The following SAT2 variants were observed in gnomAD, a reference collection of about 807,000 sequenced individuals.
SAT2 encodes spermidine/spermine N1-acetyltransferase family member 2, also known as thialysine N-epsilon-acetyltransferase.
Under a neutral mutation model 24.8 loss-of-function variants are expected in SAT2, and 19 were observed. The observed-to-expected ratio is 0.77, with a 90% CI of 0.53 to 1.12. SAT2 has a LOEUF of 1.12. Among genes scored for constraint, SAT2 ranks in the 50% most tolerant of loss-of-function variants. The probability of loss-of-function intolerance (pLI) is 0.00; values close to 1 mark genes in which losing one functional copy is unlikely to be tolerated. For missense variants in SAT2, 190 were observed against 210.7 expected (o/e 0.90, Z 0.61); for synonymous variants, 77 against 77.4 (o/e 0.99, Z 0.03).
rs2072252291 is a variant in SAT2 at position 7,627,497 on chromosome 17, C to T, written c.66+73G>A. On this transcript the variant is annotated intron_variant, in intron 1 of 5. Coordinates refer to ENST00000269298, the MANE Select transcript of SAT2 (RefSeq NM_133491.5). The surrounding 1 kb of genome is among the most constrained non-coding windows in gnomAD (Gnocchi z 4.8). ...AGGTTCCCAAGGCGAGCCCCTCCCCCTGCCCCCGCCTCCTACGACCCCGCT... is the reference window on the plus strand; with the variant it reads ...AGGTTCCCAAGGCGAGCCCCTCCCCTTGCCCCCGCCTCCTACGACCCCGCT... The T allele has an allele frequency of 6.3e-7, 1 of 1,594,352 alleles. No homozygotes were observed. The highest frequency in any genetic ancestry group is 1.3e-5 in the African/African-American group (1 of 74,574).
Position 7,627,518 on chromosome 17 carries a change from C to G in SAT2, c.66+52G>C. ...CCCCCTGCCCCCGCCTCCTACGACCCCGCTCTGGCCGCGCCACTCTGACCC... is the reference window on the plus strand; with the variant it reads ...CCCCCTGCCCCCGCCTCCTACGACCGCGCTCTGGCCGCGCCACTCTGACCC... On this transcript the variant is annotated intron_variant, in intron 1 of 5. Transcript: ENST00000269298. This position sits in a 1 kb window ranked among gnomAD's most constrained non-coding sequence, Gnocchi z 4.8. 2 of 1,601,646 alleles carry G rather than the reference C, an allele frequency of 1.2e-6. No homozygotes were observed. Among genetic ancestry groups the G allele is most frequent in the South Asian group, 1.1e-5 (1 of 90,572 alleles).
At position 7,627,452 on chromosome 17, in the gene SAT2, G is replaced by C. The variant is rs2072250266; in HGVS notation, c.67-38C>G. On this transcript the variant is annotated intron_variant, in intron 1 of 5. Transcript: ENST00000269298. The surrounding 1 kb of genome is among the most constrained non-coding windows in gnomAD (Gnocchi z 4.8). Reference sequence around the variant, plus strand: ...TACGGAAGCTAGATTAGAGCAGAAGGGCCCCGCTGCTCCCCGAGCAGGTTC... The same window carrying C: ...TACGGAAGCTAGATTAGAGCAGAAGCGCCCCGCTGCTCCCCGAGCAGGTTC... 1 of 1,612,640 alleles carries C rather than the reference G, an allele frequency of 6.2e-7. No homozygotes were observed. The highest frequency in any genetic ancestry group is 1.3e-5 in the African/African-American group (1 of 74,854).
chr17:7,627,646 G>A lies in SAT2; in HGVS notation c.-11C>T. The A allele has an allele frequency of 1.2e-6, 2 of 1,613,918 alleles. No individual in the cohort carries two copies. Among genetic ancestry groups the A allele is most frequent in the South Asian group, 2.2e-5 (2 of 91,060 alleles). On this transcript the variant is annotated 5_prime_UTR_variant, in exon 1 of 6. Transcript: ENST00000269298. The surrounding 1 kb of genome is among the most constrained non-coding windows in gnomAD (Gnocchi z 4.8). Reference sequence around the variant, plus strand: ...CCGCACGGAAGCCATCCGGATCCCCGCTGTCTGGGACCAAAGTCCCAGGGC... The same window carrying A: ...CCGCACGGAAGCCATCCGGATCCCCACTGTCTGGGACCAAAGTCCCAGGGC...
chr17:7,626,746 T>TCA lies in SAT2; in HGVS notation c.345+6_345+7insTG, dbSNP rs765254763. Reference sequence around the variant, plus strand: ...GTCCTCACTTGTCGCCCCACCCATCTCCTCACCTCAGCCACCTTTTTGATT... The same window carrying TCA: ...GTCCTCACTTGTCGCCCCACCCATCTCACCTCACCTCAGCCACCTTTTTGATT... On this transcript the variant is annotated splice_region_variant and intron_variant, in intron 5 of 5. Coordinates refer to ENST00000269298, the MANE Select transcript of SAT2 (RefSeq NM_133491.5). The TCA allele has an allele frequency of 3.1e-6, 5 of 1,614,134 alleles. No homozygotes were observed. In the African/African-American group the frequency reaches 5.3e-5, roughly 17 times the overall value.
Position 7,627,146 on chromosome 17 carries a change from G to A in SAT2, c.199C>T (p.Leu67=). 6.2e-7 allele frequency: 1 copy of A among 1,614,104 alleles called. No homozygotes were observed. Residue 67 remains leucine (L), a synonymous_variant, in exon 3 of 6, where the codon CTG becomes TTG. Transcript: ENST00000269298. The surrounding 1 kb of genome is among the most constrained non-coding windows in gnomAD (Gnocchi z 4.8). ...TCTAAGGGCCAGGTGCTCTTACCCA[G>A]TAGCTTCCCGGGCGCTGGAAGAATC... ...AEILPAPGKL[L]GPCVVGYGIY...
chr17:7,627,787 T>C lies in SAT2; in HGVS notation c.-152A>G. 1 of 849,352 alleles carries C rather than the reference T, an allele frequency of 1.2e-6. No homozygotes were observed. The highest frequency in any genetic ancestry group is 2.0e-6 in the Non-Finnish European group (1 of 510,716). The allele number at this position is 849,352 out of a possible 1,614,324, so 52.6% of individuals were successfully genotyped here. A position where few individuals can be genotyped will look rare whatever the true frequency, so the allele number is the denominator to read the frequency against. On this transcript the variant is annotated 5_prime_UTR_variant, in exon 1 of 6. Coordinates refer to ENST00000269298, the MANE Select transcript of SAT2 (RefSeq NM_133491.5). The surrounding 1 kb of genome is among the most constrained non-coding windows in gnomAD (Gnocchi z 4.8). ...GGCGGGGTAGCCGCGGCCTGGTAAG[T>C]GGAGCTGGGATTCCGGCGCCGTACG...
chr17:7,626,971 C>A lies in SAT2; in HGVS notation c.276G>T (p.Glu92Asp). The A allele has an allele frequency of 6.2e-7, 1 of 1,614,002 alleles. No individual in the cohort carries two copies. The highest frequency in any genetic ancestry group is 1.1e-5 in the South Asian group (1 of 91,072). ...STWKGRTIYL[E>D]DIYVMPEYRG... Reference sequence around the variant, plus strand: ...GATATTCCGGCATCACATAGATATCCTCCAGATAAATGGTGCGTCCCTTCC... The same window carrying A: ...GATATTCCGGCATCACATAGATATCATCCAGATAAATGGTGCGTCCCTTCC... The change falls in exon 4 of 6, where the codon GAG becomes GAT. Residue 92 changes from glutamate to aspartate, a missense_variant. By Grantham distance (45) the Glu-to-Asp change is conservative (BLOSUM62 2). Coordinates refer to ENST00000269298, the MANE Select transcript of SAT2 (RefSeq NM_133491.5).
chr17:7,627,164 G>C lies in SAT2; in HGVS notation c.181C>G (p.Pro61Ala). Residue 61 changes from proline (P) to alanine (A), a missense_variant, in exon 3 of 6, where the codon CCA (proline) becomes GCA (alanine). By Grantham distance (27) the Pro-to-Ala change is conservative. Transcript: ENST00000269298. The surrounding 1 kb of genome is among the most constrained non-coding windows in gnomAD (Gnocchi z 4.8). ...TTACCCAGTAGCTTCCCGGGCGCTG[G>C]AAGAATCTCTGCTACCAAACAGTGA... Reference protein sequence around the residue: ...FYHCLVAEILPAPGKLLGPCV... With the variant: ...FYHCLVAEILAAPGKLLGPCV... The C allele has an allele frequency of 6.2e-7, 1 of 1,614,132 alleles. No individual in the cohort carries two copies. The highest frequency in any genetic ancestry group is 8.5e-7 in the Non-Finnish European group (1 of 1,180,034).
chr17:7,626,334 C>T lies in SAT2; in HGVS notation c.*113G>A, dbSNP rs2072204566. ...ATACTTGAGGATAGGCACCCCTAAC[C>T]CTCCTTCCTCCAGGGAGGCCTCAGC... On this transcript the variant is annotated 3_prime_UTR_variant, in exon 6 of 6. Transcript: ENST00000269298. 2 of 1,214,078 alleles carry T rather than the reference C, an allele frequency of 1.6e-6. No homozygotes were observed. Among genetic ancestry groups the T allele is most frequent in the South Asian group, 2.9e-5 (2 of 70,052 alleles). 75.2% of individuals were successfully genotyped at this position (1,214,078 alleles called of 1,614,324 possible).
Position 7,627,013 on chromosome 17 carries a change from A to T in SAT2, c.234T>A (p.Tyr78Ter). The change falls in exon 4 of 6, where the codon TAT becomes TAA. Residue 78 changes from tyrosine to a stop codon, truncating the protein, a stop_gained. Coordinates refer to ENST00000269298, the MANE Select transcript of SAT2 (RefSeq NM_133491.5). LOFTEE classifies it high-confidence loss of function. The surrounding 1 kb of genome is among the most constrained non-coding windows in gnomAD (Gnocchi z 4.8). ...GTCCCTTCCATGTACTGTAGATGAA[A>T]TAGTATATCCCATAGCCCACCACGC... ...GPCVVGYGIY[Y>*]FIYSTWKGRT... 1 of 1,613,976 alleles carries T rather than the reference A, an allele frequency of 6.2e-7. No homozygotes were observed. The highest frequency in any genetic ancestry group is 8.5e-7 in the Non-Finnish European group (1 of 1,179,974).
chr17:7,627,052 A>G lies in SAT2; in HGVS notation c.203-8T>C. 1 of 1,613,612 alleles carries G rather than the reference A, an allele frequency of 6.2e-7. No homozygotes were observed. The highest frequency in any genetic ancestry group is 8.5e-7 in the Non-Finnish European group (1 of 1,179,686). ...AGCCCACCACGCAGGGCCCTGAGAG[A>G]GAGAAAAGGGGAGTAAGGCTTCTGG... is the stretch of plus-strand genomic sequence containing the variant. On this transcript the variant is annotated splice_region_variant and splice_polypyrimidine_tract_variant and intron_variant, in intron 3 of 5. Coordinates refer to ENST00000269298, the MANE Select transcript of SAT2 (RefSeq NM_133491.5). The surrounding 1 kb of genome is among the most constrained non-coding windows in gnomAD (Gnocchi z 4.8).
Position 7,626,960 on chromosome 17 carries a change from A to G in SAT2, c.287T>C (p.Val96Ala). ...GRTIYLEDIY[V>A]MPEYRGQGIG... Reference sequence around the variant, plus strand: ...CCCAGTACCCCGATATTCCGGCATCACATAGATATCCTCCAGATAAATGGT... The same window carrying G: ...CCCAGTACCCCGATATTCCGGCATCGCATAGATATCCTCCAGATAAATGGT... The change falls in exon 4 of 6, where the codon GTG becomes GCG. Residue 96 changes from valine (V) to alanine (A), a missense_variant. Val to Ala is a moderately conservative substitution (Grantham distance 64). Transcript: ENST00000269298. The G allele has an allele frequency of 6.2e-7, 1 of 1,613,906 alleles. No homozygotes were observed. The highest frequency in any genetic ancestry group is 8.5e-7 in the Non-Finnish European group (1 of 1,179,856).
chr17:7,627,752 C>G lies in SAT2; in HGVS notation c.-117G>C. Reference sequence around the variant, plus strand: ...CCTGAGAGAGCGGGGTGGCGGGAGTCGGGGGGGACGGCGGGGTAGCCGCGG... The same window carrying G: ...CCTGAGAGAGCGGGGTGGCGGGAGTGGGGGGGGACGGCGGGGTAGCCGCGG... On this transcript the variant is annotated 5_prime_UTR_variant, in exon 1 of 6. Transcript: ENST00000269298. The surrounding 1 kb of genome is among the most constrained non-coding windows in gnomAD (Gnocchi z 4.8). 234 of 771,300 alleles carry G rather than the reference C, an allele frequency of 3.0e-4. No individual in the cohort carries two copies. The highest frequency in any genetic ancestry group is 4.7e-4 in the Non-Finnish European group (215 of 459,094). 47.8% of individuals were successfully genotyped at this position (771,300 alleles called of 1,614,324 possible). A position where few individuals can be genotyped will look rare whatever the true frequency, so the allele number is the denominator to read the frequency against.
rs1263793843 is a variant in SAT2, at chr17:7,626,270, A to G, written c.*177T>C. 2.2e-5 allele frequency: 14 copies of G among 650,986 alleles called. No homozygotes were observed. The highest frequency in any genetic ancestry group is 4.0e-5 in the South Asian group (2 of 49,530). The allele number at this position is 650,986 out of a possible 1,614,324, so 40.3% of individuals were successfully genotyped here. A position where few individuals can be genotyped will look rare whatever the true frequency, so the allele number is the denominator to read the frequency against. ...AATTCTTATTTATTTTTCACCCTCAACAAGGAAGAAAGGTCTCTCCCTCAA... is the reference window on the plus strand; with the variant it reads ...AATTCTTATTTATTTTTCACCCTCAGCAAGGAAGAAAGGTCTCTCCCTCAA... On this transcript the variant is annotated 3_prime_UTR_variant, in exon 6 of 6. Transcript: ENST00000269298.
Position 7,626,257 on chromosome 17 carries a change from T to C in SAT2, c.*190A>G. 3.3e-6 allele frequency: 2 copies of C among 606,220 alleles called. No homozygotes were observed. The highest frequency in any genetic ancestry group is 5.8e-6 in the Non-Finnish European group (2 of 343,974). 37.6% of individuals were successfully genotyped at this position (606,220 alleles called of 1,614,324 possible). A position where few individuals can be genotyped will look rare whatever the true frequency, so the allele number is the denominator to read the frequency against. On this transcript the variant is annotated 3_prime_UTR_variant, in exon 6 of 6. Transcript: ENST00000269298. ...CATCAGGACATGTAATTCTTATTTA[T>C]TTTTCACCCTCAACAAGGAAGAAAG...
At chr17:7,626,725 TCA>T in intron 5 of SAT2, 26 bp downstream of exon 5, 1 of 1,614,080 alleles carries the variant, frequency 6.2e-7, no homozygotes, top group South Asian at 1.1e-5. Flanking sequence ...CTTCAGGTCC[TCA>T]CTTGTCGCCC....
intron 5 of SAT2, 58 bp from the exon 6 acceptor site, chr17:7,626,672 C>T: frequency 6.2e-7 from 1 of 1,611,554 alleles, no homozygotes; most frequent in Non-Finnish European, 8.5e-7. Flanking sequence ...GGTTTTCTCA[C>T]TCCCTCTTTC....
Position 7,627,211 on chromosome 17 carries a change from C to T in SAT2, c.134G>A (p.Gly45Asp), listed in dbSNP as rs759505896. Reference protein sequence around the residue: ...KISEEALRADGFGDNPFYHCL... With the variant: ...KISEEALRADDFGDNPFYHCL... Reference sequence around the variant, plus strand: ...GTGATAGAAAGGATTGTCTCCAAAGCCATCTGCTCTCAGGGCTGCCGAGAT... The same window carrying T: ...GTGATAGAAAGGATTGTCTCCAAAGTCATCTGCTCTCAGGGCTGCCGAGAT... The change falls in exon 3 of 6, where the codon GGC (glycine) becomes GAC (aspartate). Residue 45 changes from glycine to aspartate, a missense_variant. Transcript: ENST00000269298. The surrounding 1 kb of genome is among the most constrained non-coding windows in gnomAD (Gnocchi z 4.8). 1.2e-6 allele frequency: 2 copies of T among 1,614,104 alleles called. No homozygotes were observed. Among genetic ancestry groups the T allele is most frequent in the Admixed American group, 3.3e-5 (2 of 60,012 alleles).
At position 7,627,558 on chromosome 17, in the gene SAT2, T is replaced by C. The variant is rs2150963307; in HGVS notation, c.66+12A>G. On this transcript the variant is annotated intron_variant, in intron 1 of 5. Coordinates refer to ENST00000269298, the MANE Select transcript of SAT2 (RefSeq NM_133491.5). This position sits in a 1 kb window ranked among gnomAD's most constrained non-coding sequence, Gnocchi z 4.8. ...CACTCTGACCCCCGGGTTACCGGCC[T>C]GCAGTCTTCACCCGAATCAGCCTCA... 1.9e-6 allele frequency: 3 copies of C among 1,608,840 alleles called. No homozygotes were observed. Among genetic ancestry groups the C allele is most frequent in the Non-Finnish European group, 2.5e-6 (3 of 1,176,958 alleles).
Sources: gnomAD v4.1 joint callset for allele counts on GRCh38, gnomAD v4.1.1 for gene constraint, Gnocchi (gnomAD v3.1) non-coding constraint, MANE v1.5 for transcripts, NCBI Gene and HGNC (gene_info 2026-07-23, HGNC 2026-07-21) for gene names.